The following HMGXB4 variants were observed in gnomAD, a reference collection of about 807,000 sequenced individuals.
HMGXB4 encodes the protein HMG-box containing 4.
HMGXB4 carries 27 observed loss-of-function variants against 63.9 expected under a neutral mutation model. The observed-to-expected ratio is 0.42, with a 90% CI of 0.31 to 0.58. The LOEUF (loss-of-function observed/expected upper bound fraction) is 0.58. Ranked by LOEUF, HMGXB4 falls within the 20% of genes least tolerant of loss-of-function variation. The pLI is 0.13. For missense variants in HMGXB4, 624 were observed against 700.7 expected (o/e 0.89, Z 1.24); for synonymous variants, 264 against 265.3 (o/e 0.99, Z 0.05).
chr22:35,277,200 C>T (rs1183317484), intron 5 of HMGXB4, among the ~76,000 whole-genome samples: 1 of 152,194 alleles, frequency 6.6e-6, no homozygotes, highest in East Asian at 1.9e-4. Flanking sequence ...AAGTTGTTGG[C>T]AGCTTTCAGT....
At chr22:35,288,504 C>T in intron 9 of HMGXB4, 97 bp downstream of exon 9, 1 of 875,976 alleles carries the variant, frequency 1.1e-6, no homozygotes, top group Non-Finnish European at 1.6e-6. Flanking sequence ...TATTGAGCAT[C>T]TACTTTATGC....
Position 35,279,132 on chromosome 22 carries a change from CTTTTTTTTTTTTTTT to C in HMGXB4, c.1216-4813_1216-4799del, listed in dbSNP as rs551006065. Among the ~76,000 whole-genome samples, 110 of 50,828 alleles carry C rather than the reference CTTTTTTTTTTTTTTT, an allele frequency of 2.2e-3. 1 individual carries two copies. Among genetic ancestry groups the C allele is most frequent in the African/African-American group, 9.5e-3 (104 of 10,962 alleles). The allele number at this position is 50,828 out of a possible 152,430, so 33.3% of individuals were successfully genotyped here. On this transcript the variant is annotated intron_variant, in intron 5 of 10. Transcript: ENST00000216106. ...TATTTTCTCACAGTCTATGGATTGT[CTTTTTTTTTTTTTTT>C]TTTTTTTTTTTTTTTTGAGACGGAG... is the stretch of plus-strand genomic sequence containing the variant.
Position 35,265,147 on chromosome 22 carries a change from G to C in HMGXB4, c.759G>C (p.Lys253Asn), listed in dbSNP as rs750687808. The C allele has an allele frequency of 6.2e-7, 1 of 1,614,154 alleles. No homozygotes were observed. The highest frequency in any genetic ancestry group is 1.1e-5 in the South Asian group (1 of 91,078). ...TGAAAACAGCCCGGAAAAAGCACAA[G>C]TCATCCTCAGACGCACATTCATCTC... ...SFLKTARKKHKSSSDAHSSPG... is the reference protein window; with the variant it reads ...SFLKTARKKHNSSSDAHSSPG... The change falls in exon 5 of 11, where the codon AAG becomes AAC. Residue 253 changes from lysine to asparagine, a missense_variant. Physicochemically the swap from Lys to Asn is moderately conservative, Grantham distance 94 (BLOSUM62 0). Transcript: ENST00000216106.
At chr22:35,260,253 A>G (rs1330460597) in intron 1 of HMGXB4, among the ~76,000 whole-genome samples, 1 of 152,232 alleles carries the variant, frequency 6.6e-6, no homozygotes, top group Non-Finnish European at 1.5e-5. Flanking sequence ...GCCAAAATTC[A>G]TGCACAGAAA....
intron 5 of HMGXB4, among the ~76,000 whole-genome samples, chr22:35,281,915 G>A (rs574732718): frequency 1.3e-5 from 2 of 152,118 alleles, no homozygotes; most frequent in Admixed American, 1.3e-4. Flanking sequence ...AATCGCTTTT[G>A]GAATTAAAGT....
chr22:35,265,942 ATTT>A (rs369153687), intron 5 of HMGXB4, among the ~76,000 whole-genome samples: 4 of 135,776 alleles, frequency 2.9e-5, no homozygotes, highest in African/African-American at 1.1e-4. Context: ...CACCCGACTA[ATTT>A]TTTTTTTTTT....
intron 2 of HMGXB4, chr22:35,262,842 A>C (rs181553597): frequency 5.4e-6 from 3 of 559,628 alleles, no homozygotes; most frequent in Non-Finnish European, 9.4e-6. Flanking sequence ...GAGGTTGCAC[A>C]TGGGGCCTTT....
At chr22:35,273,452 G>A (rs1229967170) in intron 5 of HMGXB4, among the ~76,000 whole-genome samples, 1 of 152,200 alleles carries the variant, frequency 6.6e-6, no homozygotes, top group Non-Finnish European at 1.5e-5. Context: ...CTGCTCATTT[G>A]TAAATTGGGG....
intron 5 of HMGXB4, among the ~76,000 whole-genome samples, chr22:35,269,989 A>G (rs1923501313): frequency 6.6e-6 from 1 of 152,174 alleles, no homozygotes; most frequent in South Asian, 2.1e-4. Context: ...TTTAAAGAGA[A>G]GAAGAAAAAA....
Position 35,287,259 on chromosome 22 carries a change from T to C in HMGXB4, c.1363-88T>C, listed in dbSNP as rs191786836. On this transcript the variant is annotated intron_variant, in intron 7 of 10. Transcript: ENST00000216106. ...TGCCCGCCTCTTACTATTGCCTTTC[T>C]TTTCTCCATTTTGTTCTTTCATGAC... 2.8e-5 allele frequency: 30 copies of C among 1,067,102 alleles called. 1 individual carries two copies. In the East Asian group the frequency reaches 7.8e-4, roughly 28 times the overall value. 66.1% of individuals were successfully genotyped at this position (1,067,102 alleles called of 1,614,324 possible).
Position 35,263,852 on chromosome 22 carries a change from C to G in HMGXB4, c.237C>G (p.Ser79=). The G allele has an allele frequency of 6.2e-7, 1 of 1,613,592 alleles. No homozygotes were observed. Residue 79 remains serine (S), a synonymous_variant, in exon 4 of 11, where the codon TCC becomes TCG. Coordinates refer to ENST00000216106, the MANE Select transcript of HMGXB4 (RefSeq NM_001003681.3). ...TDTHKKKRKH[S]SDDYYYGDIS... is the part of the protein sequence containing the mutation. The stretch of plus-strand genomic sequence containing the variant: ...CACACAAGAAGAAGAGGAAGCACTC[C>G]TCTGATGATTACTACTATGGAGGTG...
At chr22:35,293,493 C>A in intron 10 of HMGXB4, 114 bp from the exon 11 acceptor site, 1 of 727,808 alleles carries the variant, frequency 1.4e-6, no homozygotes. Flanking sequence ...TTCATTCTCA[C>A]CTGTTTTTCT....
chr22:35,265,925 G>T (rs1008906492), intron 5 of HMGXB4, among the ~76,000 whole-genome samples: 1 of 149,936 alleles, frequency 6.7e-6, no homozygotes, highest in East Asian at 2.0e-4. Flanking sequence ...ACAGGCACCC[G>T]CCACCACACC....
chr22:35,283,616 C>T (rs1683764480), intron 5 of HMGXB4, among the ~76,000 whole-genome samples: 1 of 151,988 alleles, frequency 6.6e-6, no homozygotes, highest in African/African-American at 2.4e-5. Flanking sequence ...ATGGTGAAAC[C>T]CCATCTCTAC....
chr22:35,273,715 C>T (rs915644428), intron 5 of HMGXB4, among the ~76,000 whole-genome samples: 7 of 152,178 alleles, frequency 4.6e-5, no homozygotes, highest in African/African-American at 1.7e-4. Flanking sequence ...TCTGTGATTA[C>T]ATCACATATT....
chr22:35,243,819 C>T, the HMGXB4 span, among the ~76,000 whole-genome samples: 2 of 152,220 alleles, frequency 1.3e-5, no homozygotes, highest in African/African-American at 4.8e-5. Context: ...GCTGGCATTA[C>T]AGGTGTGAGC....
chr22:35,247,953 G>A, the HMGXB4 span, among the ~76,000 whole-genome samples: 38 of 152,242 alleles, frequency 2.5e-4, no homozygotes, highest in East Asian at 4.4e-3. Context: ...AATCACCAGA[G>A]AGTGCACTTA....
At chr22:35,289,370 G>T (rs1924794562) in intron 9 of HMGXB4, among the ~76,000 whole-genome samples, 1 of 152,076 alleles carries the variant, frequency 6.6e-6, no homozygotes, top group African/African-American at 2.4e-5. Flanking sequence ...GAGGCAGATG[G>T]ATTGCTTGAG....
intron 5 of HMGXB4, among the ~76,000 whole-genome samples, chr22:35,272,898 C>T (rs1171441422): frequency 1.3e-5 from 2 of 152,220 alleles, no homozygotes; most frequent in Non-Finnish European, 2.9e-5. Context: ...CACGCCACTG[C>T]CCTCCAGCCT....
Sources: allele counts gnomAD v4.1 joint callset (sites outside exome capture counted in the v4.1 genomes callset), GRCh38; gene constraint gnomAD v4.1.1; transcripts MANE v1.5; gene names NCBI Gene and HGNC (gene_info 2026-07-23, HGNC 2026-07-21).